RYR2: variants seen among roughly 807,000 people sequenced by gnomAD.
RYR2 encodes the protein ryanodine receptor 2, also known as cardiac muscle ryanodine receptor-calcium release channel.
A neutral mutation model predicts 601.1 loss-of-function variants in RYR2; 227 were observed. The ratio of observed to expected loss-of-function variants is 0.38; its 90% CI spans 0.34 to 0.42. The LOEUF (loss-of-function observed/expected upper bound fraction) is 0.42, where lower values mean the gene tolerates loss of function less well. RYR2 is among the 10% of genes least tolerant of loss of function. RYR2 has a pLI of 1.00. For missense variants in RYR2, 4,646 were observed against 6,156.5 expected (o/e 0.75, Z 8.21); for synonymous variants, 2,223 against 2,175.1 (o/e 1.02, Z -0.61).
intron 37 of RYR2, among the ~76,000 whole-genome samples, chr1:237,616,218 GT>G (rs1678450698): frequency 6.6e-6 from 1 of 152,168 alleles, no homozygotes; most frequent in Non-Finnish European, 1.5e-5. Flanking sequence ...GACACAGAGG[GT>G]TTTAAGGTCC....
intron 75 of RYR2, 88 bp downstream of exon 75, chr1:237,726,396 T>C: frequency 1.2e-6 from 1 of 833,790 alleles, no homozygotes; most frequent in Non-Finnish European, 2.0e-6. Context: ...ATTAATCTCT[T>C]TCTTCTCTTA....
chr1:237,500,942 A>G, intron 21 of RYR2, 39 bp downstream of exon 21: 2 of 1,565,690 alleles, frequency 1.3e-6, no homozygotes, highest in Non-Finnish European at 1.8e-6. Flanking sequence ...TTCCTTTCTC[A>G]TTTCTCATAC....
rs922349668 is a variant in RYR2, at chr1:237,347,958, C to A, written c.274-8007C>A. Among the ~76,000 whole-genome samples the A allele has an allele frequency of 6.3e-4, 96 of 152,272 alleles. No individual in the cohort carries two copies. In the Middle Eastern group the frequency reaches 0.01, roughly 16 times the overall value. The stretch of plus-strand genomic sequence containing the variant: ...TGAGGTAGGTCTAACATTTTTTATA[C>A]CACTTTTCCCTTTGGGGCATTTGCT... On this transcript the variant is annotated intron_variant, in intron 3 of 104. Transcript: ENST00000366574.
chr1:237,085,699 G>C (rs563659814), intron 1 of RYR2, among the ~76,000 whole-genome samples: 3 of 152,208 alleles, frequency 2.0e-5, no homozygotes, highest in Non-Finnish European at 2.9e-5. Context: ...GGGAACTTGA[G>C]GGGGAGAAGA....
chr1:237,184,122 G>A (rs984746390), intron 1 of RYR2, among the ~76,000 whole-genome samples: 4 of 152,100 alleles, frequency 2.6e-5, no homozygotes, highest in African/African-American at 4.8e-5. Context: ...CTTGGGCGGG[G>A]TAAACCCAGA....
intron 27 of RYR2, among the ~76,000 whole-genome samples, chr1:237,556,455 G>A (rs1158142503): frequency 9.8e-5 from 13 of 132,996 alleles, no homozygotes; most frequent in South Asian, 5.6e-4. Context: ...CGCCTGCCAC[G>A]AGGCCCGGCT....
intron 1 of RYR2, among the ~76,000 whole-genome samples, chr1:237,088,353 G>A (rs889128044): frequency 2.0e-5 from 3 of 152,186 alleles, no homozygotes; most frequent in Non-Finnish European, 2.9e-5. Context: ...TAGGATGCAA[G>A]GGCTTGGCTA....
At chr1:237,201,338 G>A (rs1681172144) in intron 1 of RYR2, among the ~76,000 whole-genome samples, 2 of 152,116 alleles carry the variant, frequency 1.3e-5, no homozygotes, top group African/African-American at 4.8e-5. Context: ...GATCTCGACG[G>A]CTATCTGCTT....
chr1:237,666,758 T>C (rs1269977531), intron 57 of RYR2, among the ~76,000 whole-genome samples, 169 bp downstream of exon 57: 3 of 152,082 alleles, frequency 2.0e-5, no homozygotes, highest in Admixed American at 2.0e-4. Flanking sequence ...GCTATCAAAA[T>C]TGATAGCTGG....
At chr1:237,173,669 GCA>G (rs1558366482) in intron 1 of RYR2, among the ~76,000 whole-genome samples, 2 of 152,118 alleles carry the variant, frequency 1.3e-5, no homozygotes, top group African/African-American at 2.4e-5. Flanking sequence ...GTCTATACAC[GCA>G]CACAGTTTAT....
chr1:237,388,214 T>C, intron 10 of RYR2, 31 bp downstream of exon 10: 4 of 1,564,722 alleles, frequency 2.6e-6, no homozygotes, highest in Non-Finnish European at 3.5e-6. Flanking sequence ...CATTGAGACT[T>C]GCACTCTTTT....
chr1:237,267,256 C>G (rs1205343066), intron 1 of RYR2, among the ~76,000 whole-genome samples: 1 of 152,204 alleles, frequency 6.6e-6, no homozygotes, highest in African/African-American at 2.4e-5. Flanking sequence ...CAGTGGCCCA[C>G]GCCTGTAATC....
intron 2 of RYR2, among the ~76,000 whole-genome samples, chr1:237,303,953 T>C (rs912484161): frequency 2.6e-5 from 4 of 152,204 alleles, no homozygotes; most frequent in African/African-American, 9.7e-5. Flanking sequence ...TTTCCTTTTT[T>C]TGTGTAAATT....
At chr1:237,621,066 T>C (rs1023325373) in intron 38 of RYR2, among the ~76,000 whole-genome samples, 1 of 152,166 alleles carries the variant, frequency 6.6e-6, no homozygotes, top group Non-Finnish European at 1.5e-5. Context: ...ATACACATTT[T>C]TTTATCACAT....
chr1:237,572,893 A>G (rs1672844082), intron 29 of RYR2, among the ~76,000 whole-genome samples: 1 of 152,116 alleles, frequency 6.6e-6, no homozygotes, highest in Admixed American at 6.6e-5. Context: ...TAGCTTCCCA[A>G]AAAAGCTCCT....
chr1:237,568,362 A>T (rs1672313331), intron 28 of RYR2, among the ~76,000 whole-genome samples: 1 of 152,236 alleles, frequency 6.6e-6, no homozygotes, highest in Non-Finnish European at 1.5e-5. Flanking sequence ...AGAAAAAGTC[A>T]AAAGATTTAT....
intron 3 of RYR2, among the ~76,000 whole-genome samples, chr1:237,351,950 C>A (rs940092487): frequency 2.0e-5 from 3 of 150,606 alleles, no homozygotes; most frequent in Admixed American, 2.0e-4. Context: ...ATTGGGAAAT[C>A]CATCCCATTG....
chr1:237,358,317 A>T (rs2149702067), intron 4 of RYR2, among the ~76,000 whole-genome samples: 1 of 152,222 alleles, frequency 6.6e-6, no homozygotes, highest in South Asian at 2.1e-4. Context: ...GGAGGGACGG[A>T]TATCTGGGAA....
chr1:237,728,605 A>G (rs76973044), intron 76 of RYR2, among the ~76,000 whole-genome samples: 1 of 151,694 alleles, frequency 6.6e-6, no homozygotes, highest in Non-Finnish European at 1.5e-5. Flanking sequence ...ATGCAGCCAT[A>G]AAAAAAGAAT....
Sources: gnomAD v4.1 joint callset for allele counts (sites outside exome capture counted in the v4.1 genomes callset) on GRCh38, gnomAD v4.1.1 for gene constraint, MANE v1.5 for transcripts, NCBI Gene and HGNC (gene_info 2026-07-23, HGNC 2026-07-21) for gene names.